Variants in CLPSL1 observed in about 807,000 individuals in gnomAD.
CLPSL1 encodes colipase-like protein 1.
Under a neutral mutation model 9.3 loss-of-function variants are expected in CLPSL1, and 13 were observed. The ratio of observed to expected loss-of-function variants is 1.40; its 90% CI spans 0.91 to 2.22. The LOEUF is 2.22. Ranked by LOEUF, CLPSL1 falls within the 30% of genes most tolerant of loss-of-function variation. The pLI is 0.00. For missense variants in CLPSL1, 164 were observed against 146.6 expected, an observed-to-expected ratio of 1.12 and a Z score of -0.61; for synonymous variants, 58 against 56.9, an observed-to-expected ratio of 1.02 and a Z score of -0.08.
downstream of CLPSL1, chr6:35,793,820 C>G: frequency 2.9e-6 from 1 of 344,650 alleles, no homozygotes; most frequent in Non-Finnish European, 5.7e-6. Context: ...GTCCCTCACT[C>G]TCTGTGGGAA....
At chr6:35,782,580 G>T (rs571367015) in intron 1 of CLPSL1, among the ~76,000 whole-genome samples, 1 of 152,216 alleles carries the variant, frequency 6.6e-6, no homozygotes, top group Non-Finnish European at 1.5e-5. Flanking sequence ...GAGGCAGGAG[G>T]GGGAGGCAGC....
downstream of CLPSL1, among the ~76,000 whole-genome samples, chr6:35,790,229 G>A (rs1005929005): frequency 2.0e-4 from 31 of 152,358 alleles, no homozygotes; most frequent in Non-Finnish European, 3.4e-4. Context: ...CACTGTGCCC[G>A]GCTGAAATTT....
intron 1 of CLPSL1, 145 bp from the exon 2 acceptor site, chr6:35,786,853 T>A (rs1466320423): frequency 9.3e-7 from 1 of 1,070,426 alleles, no homozygotes; most frequent in Admixed American, 2.2e-5. Flanking sequence ...GGCCCCCACG[T>A]AGAGACCACC....
At chr6:35,786,975 C>A (rs1369897276) in intron 1 of CLPSL1, 23 bp from the exon 2 acceptor site, 4 of 1,560,398 alleles carry the variant, frequency 2.6e-6, no homozygotes, top group Non-Finnish European at 3.5e-6. Flanking sequence ...TGGAGCCTGG[C>A]GGTGCCGTGT....
chr6:35,789,359 A>G (rs1768147145), downstream of CLPSL1, among the ~76,000 whole-genome samples: 1 of 152,270 alleles, frequency 6.6e-6, no homozygotes, highest in Non-Finnish European at 1.5e-5. Flanking sequence ...AGTCTTTTCA[A>G]TAAATGGTGT....
At chr6:35,793,609 C>T in exon 2 of CLPSL1, 1 of 469,468 alleles carries the variant, frequency 2.1e-6, no homozygotes, top group African/African-American at 2.0e-5. Context: ...CAAAAGAATG[C>T]CAGCACTTCC....
At chr6:35,791,969 C>T (rs894317192), downstream of CLPSL1, among the ~76,000 whole-genome samples, 24 of 151,518 alleles carry the variant, frequency 1.6e-4, no homozygotes, top group African/African-American at 4.8e-4. Context: ...GCCTGTAGTC[C>T]CAGCTACTCG....
At chr6:35,788,619 T>C (rs537870920), downstream of CLPSL1, among the ~76,000 whole-genome samples, 1 of 152,386 alleles carries the variant, frequency 6.6e-6, no homozygotes, top group South Asian at 2.1e-4. Context: ...GAGCAACTTG[T>C]TCAAGGTCAC....
At chr6:35,787,381 A>G (rs1192429305) in intron 2 of CLPSL1, among the ~76,000 whole-genome samples, 1 of 152,274 alleles carries the variant, frequency 6.6e-6, no homozygotes, top group East Asian at 1.9e-4. Flanking sequence ...CACATTCTCC[A>G]GGAGTCTTCT....
At chr6:35,791,913 C>CAAATAAAT (rs58568700), downstream of CLPSL1, among the ~76,000 whole-genome samples, 1,321 of 149,422 alleles carry the variant, frequency 8.8e-3, 9 homozygotes, top group African/African-American at 0.026. Context: ...ACTAAAAATA[C>CAAATAAAT]AAATAAATAA....
rs958920602 is a variant in CLPSL1 at position 35,782,291 on chromosome 6, A to G, written c.99+1082A>G. Among the ~76,000 whole-genome samples the G allele has an allele frequency of 7.9e-5, 12 of 152,186 alleles. 1 individual carries two copies. Among genetic ancestry groups the G allele is most frequent in the African/African-American group, 2.9e-4 (12 of 41,442 alleles). On this transcript the variant is annotated intron_variant, in intron 1 of 2. Transcript: ENST00000373861. ...AGTGGAAATCATGGGAGATGAGCTC[A>G]GAGAGATAAATGGAACACAGTTACA...
At chr6:35,789,337 T>TG (rs1264327848), downstream of CLPSL1, among the ~76,000 whole-genome samples, 1 of 152,244 alleles carries the variant, frequency 6.6e-6, no homozygotes, top group Non-Finnish European at 1.5e-5. Flanking sequence ...GAAGACACCT[T>TG]GGGGAAAGGA....
At chr6:35,787,241 T>TC (rs1768101111) in intron 2 of CLPSL1, 121 bp downstream of exon 2, 2 of 1,229,082 alleles carry the variant, frequency 1.6e-6, no homozygotes, top group African/African-American at 2.9e-5. Flanking sequence ...AGCCTGGAAT[T>TC]CCCCCGTGGG....
chr6:35,786,399 G>A (rs1006181612), intron 1 of CLPSL1, among the ~76,000 whole-genome samples: 4 of 152,236 alleles, frequency 2.6e-5, no homozygotes, highest in Non-Finnish European at 5.9e-5. Context: ...GTGCTGCTCT[G>A]GAATGTCAGC....
At chr6:35,786,917 C>T (rs1049072067) in intron 1 of CLPSL1, 81 bp from the exon 2 acceptor site, 2 of 1,502,770 alleles carry the variant, frequency 1.3e-6, no homozygotes, top group South Asian at 2.4e-5. Flanking sequence ...GGAGGAGCCC[C>T]GTAGGGAGAA....
chr6:35,782,359 TGTGTAA>T, intron 1 of CLPSL1, among the ~76,000 whole-genome samples: 1 of 152,292 alleles, frequency 6.6e-6, no homozygotes, highest in Non-Finnish European at 1.5e-5. Flanking sequence ...GCACCTGCAA[TGTGTAA>T]GGACTTTAGT....
In CLPSL1 at chr6:35,788,094, C is replaced by A; in HGVS notation, c.*84C>A. 3 of 1,177,396 alleles carry A rather than the reference C, an allele frequency of 2.5e-6. No homozygotes were observed. The highest frequency in any genetic ancestry group is 2.5e-5 in the South Asian group (2 of 80,988). The allele number at this position is 1,177,396 out of a possible 1,614,324, so 72.9% of individuals were successfully genotyped here. A position where few individuals can be genotyped will look rare whatever the true frequency, so the allele number is the denominator to read the frequency against. On this transcript the variant is annotated 3_prime_UTR_variant, in exon 3 of 3. Transcript: ENST00000373861. ...TCTGTGTTCACCCTGTTCCCCAGAG[C>A]CTCCACCATGAGTGGAGGGAAGTGG... is the stretch of plus-strand genomic sequence containing the variant.
At chr6:35,788,201 G>C, downstream of CLPSL1, 1 of 601,230 alleles carries the variant, frequency 1.7e-6, no homozygotes. Context: ...GGGTGGGCAT[G>C]GTACAGGTTT....
At chr6:35,782,697 C>A (rs1388540915) in intron 1 of CLPSL1, among the ~76,000 whole-genome samples, 1 of 151,998 alleles carries the variant, frequency 6.6e-6, no homozygotes, top group Non-Finnish European at 1.5e-5. Flanking sequence ...GGCTTTGAAT[C>A]CAGAGAATGG....
Sources: allele counts gnomAD v4.1 joint callset (sites outside exome capture counted in the v4.1 genomes callset), GRCh38; gene constraint gnomAD v4.1.1; transcripts MANE v1.5; gene names NCBI Gene and HGNC (gene_info 2026-07-23, HGNC 2026-07-21).